The following CHRM2 variants were observed in gnomAD, a reference collection of about 807,000 sequenced individuals.
CHRM2 encodes muscarinic acetylcholine receptor M2.
Under a neutral mutation model 25.0 loss-of-function variants are expected in CHRM2, and 8 were observed. That is an observed-to-expected ratio of 0.32 (90% confidence interval 0.19 to 0.58). CHRM2 has a LOEUF of 0.58. CHRM2 is among the 20% of genes least tolerant of loss of function. The pLI is 0.88. For missense variants in CHRM2, 440 were observed against 567.1 expected, an observed-to-expected ratio of 0.78 and a Z score of 2.28; for synonymous variants, 202 against 205.7, an observed-to-expected ratio of 0.98 and a Z score of 0.15.
intron 2 of CHRM2, among the ~76,000 whole-genome samples, chr7:136,922,713 G>T (rs548396374): frequency 6.6e-6 from 1 of 152,204 alleles, no homozygotes; most frequent in East Asian, 1.9e-4. Context: ...ATTATTCTGG[G>T]AAGCATTCCT....
chr7:137,017,668 A>T lies in CHRM2; in HGVS notation c.*1402A>T, dbSNP rs1194541276. The T allele has an allele frequency of 6.6e-6, 1 of 151,974 alleles. No homozygotes were observed. Among genetic ancestry groups the T allele is most frequent in the East Asian group, 1.9e-4 (1 of 5,146 alleles). The allele number at this position is 151,974 out of a possible 1,614,324, so 9.4% of individuals were successfully genotyped here. A position where few individuals can be genotyped will look rare whatever the true frequency, so the allele number is the denominator to read the frequency against. On this transcript the variant is annotated 3_prime_UTR_variant, in exon 4 of 4. Coordinates refer to ENST00000680005, the MANE Select transcript of CHRM2 (RefSeq NM_001006630.2). ...ACTTCAAAATTCTCTTATCAATAGA[A>T]TTATAGTAATCTTTGTGACAGAAAT...
chr7:136,910,771 T>C (rs1026571300), intron 2 of CHRM2, among the ~76,000 whole-genome samples: 1 of 151,148 alleles, frequency 6.6e-6, no homozygotes, highest in African/African-American at 2.4e-5. Flanking sequence ...TGTATCATTC[T>C]TGGGGTTTGG....
At chr7:136,982,136 GGT>G (rs1377129743) in intron 2 of CHRM2, among the ~76,000 whole-genome samples, 2 of 151,976 alleles carry the variant, frequency 1.3e-5, no homozygotes, top group South Asian at 2.1e-4. Flanking sequence ...TCCTGTATTG[GGT>G]GTATATATAT....
chr7:136,945,834 C>CT (rs1286250328), intron 2 of CHRM2, among the ~76,000 whole-genome samples: 4 of 152,124 alleles, frequency 2.6e-5, no homozygotes, highest in Admixed American at 2.6e-4. Context: ...TTACTGGGCA[C>CT]TGACTGTGTG....
At position 136,877,621 on chromosome 7, in the gene CHRM2, G is replaced by T. The variant is rs902878776; in HGVS notation, c.-125+8203G>T. On this transcript the variant is annotated intron_variant, in intron 2 of 3. Coordinates refer to ENST00000680005, the MANE Select transcript of CHRM2 (RefSeq NM_001006630.2). ...AGTGGAGGAGTTAGAGAAAGTGAGAGAATTGTCTTAAATGTTAATGCTGAT... is the reference window on the plus strand; with the variant it reads ...AGTGGAGGAGTTAGAGAAAGTGAGATAATTGTCTTAAATGTTAATGCTGAT... Among the ~76,000 whole-genome samples, 13 of 152,028 alleles carry T rather than the reference G, an allele frequency of 8.6e-5. 1 individual carries two copies. Among genetic ancestry groups the T allele is most frequent in the African/African-American group, 2.7e-4 (11 of 41,440 alleles).
At chr7:136,931,183 T>G (rs1799082810) in intron 2 of CHRM2, among the ~76,000 whole-genome samples, 1 of 152,332 alleles carries the variant, frequency 6.6e-6, no homozygotes, top group South Asian at 2.1e-4. Context: ...TGTTCAAAAC[T>G]ATGCCTTTTT....
At chr7:136,981,114 T>C (rs1802455700) in intron 2 of CHRM2, among the ~76,000 whole-genome samples, 1 of 152,194 alleles carries the variant, frequency 6.6e-6, no homozygotes, top group Non-Finnish European at 1.5e-5. Flanking sequence ...CTGCCTCAAT[T>C]TCAGAACTTG....
intron 2 of CHRM2, among the ~76,000 whole-genome samples, chr7:136,922,228 A>C (rs1798490539): frequency 6.6e-6 from 1 of 152,184 alleles, no homozygotes; most frequent in South Asian, 2.1e-4. Context: ...GTCCTGCAAC[A>C]CATCTCATCT....
intron 3 of CHRM2, among the ~76,000 whole-genome samples, chr7:137,004,165 C>A (rs1211751051): frequency 1.3e-5 from 2 of 152,110 alleles, no homozygotes; most frequent in Admixed American, 1.3e-4. Context: ...ACTGGAAGAT[C>A]TTCCATTCTC....
At chr7:136,946,306 A>C (rs1198302139) in intron 2 of CHRM2, among the ~76,000 whole-genome samples, 2 of 152,168 alleles carry the variant, frequency 1.3e-5, no homozygotes, top group African/African-American at 4.8e-5. Context: ...AATTATATTA[A>C]ATTATTTGTG....
intron 3 of CHRM2, among the ~76,000 whole-genome samples, chr7:137,007,862 T>C (rs922781851): frequency 1.3e-5 from 2 of 152,132 alleles, no homozygotes; most frequent in African/African-American, 4.8e-5. Context: ...CAAGACATCC[T>C]TAAATAAGTC....
chr7:137,015,066 T>C lies in CHRM2; in HGVS notation c.201T>C (p.Cys67=). 6.2e-7 allele frequency: 1 copy of C among 1,613,524 alleles called. No individual in the cohort carries two copies. Among genetic ancestry groups the C allele is most frequent in the South Asian group, 1.1e-5 (1 of 91,084 alleles). The part of the protein sequence containing the change: ...VNNYFLFSLA[C]ADLIIGVFSM... The stretch of plus-strand genomic sequence containing the variant: ...ATTACTTTTTATTCAGCTTGGCCTG[T>C]GCTGACCTTATCATAGGTGTTTTCT... The change falls in exon 4 of 4, where the codon TGT becomes TGC. Residue 67 remains cysteine (C), a synonymous_variant. Coordinates refer to ENST00000680005, the MANE Select transcript of CHRM2 (RefSeq NM_001006630.2). This position sits in a 1 kb window ranked among gnomAD's most constrained non-coding sequence, Gnocchi z 5.1.
intron 2 of CHRM2, among the ~76,000 whole-genome samples, chr7:136,935,372 T>A (rs539132480): frequency 1.3e-5 from 2 of 152,052 alleles, no homozygotes; most frequent in Non-Finnish European, 1.5e-5. Flanking sequence ...TTTGGGTGAG[T>A]ACACAGTACC....
At chr7:136,965,897 C>CA (rs1036433285) in intron 2 of CHRM2, among the ~76,000 whole-genome samples, 6 of 149,972 alleles carry the variant, frequency 4.0e-5, no homozygotes, top group South Asian at 2.1e-4. Context: ...GATGTGTTGA[C>CA]AAAAAAAAAG....
chr7:136,900,868 G>A (rs545467007), intron 2 of CHRM2, among the ~76,000 whole-genome samples: 138 of 151,944 alleles, frequency 9.1e-4, no homozygotes, highest in Middle Eastern at 3.2e-3. Context: ...GCATATAGAC[G>A]TCAGCAGGGG....
At chr7:136,964,422 G>T (rs1801286298) in intron 2 of CHRM2, among the ~76,000 whole-genome samples, 1 of 152,090 alleles carries the variant, frequency 6.6e-6, no homozygotes, top group South Asian at 2.1e-4. Context: ...TTTGAGTGCT[G>T]CCTGGAACTT....
At chr7:136,913,750 A>G (rs923264254) in intron 2 of CHRM2, among the ~76,000 whole-genome samples, 1 of 151,958 alleles carries the variant, frequency 6.6e-6, no homozygotes, top group Admixed American at 6.6e-5. Flanking sequence ...TGAAGTGGGT[A>G]TTATTTTAAA....
intron 2 of CHRM2, among the ~76,000 whole-genome samples, chr7:136,954,749 A>G (rs550228725): frequency 1.3e-5 from 2 of 152,224 alleles, no homozygotes; most frequent in African/African-American, 4.8e-5. Context: ...TCTTGACTAC[A>G]TCCATGGATT....
rs533122185 is a variant in CHRM2 at position 137,018,919 on chromosome 7, G to C, written c.*2653G>C. On this transcript the variant is annotated 3_prime_UTR_variant, in exon 4 of 4. Transcript: ENST00000680005. ...TGTCTATTTCAGTGGCTCTCAAACAGAGACAATTCCCCTCTCCCCGAAAGG... is the reference window on the plus strand; with the variant it reads ...TGTCTATTTCAGTGGCTCTCAAACACAGACAATTCCCCTCTCCCCGAAAGG... 1 of 152,034 alleles carries C rather than the reference G, an allele frequency of 6.6e-6. No homozygotes were observed. Among genetic ancestry groups the C allele is most frequent in the South Asian group, 2.1e-4 (1 of 4,820 alleles). 9.4% of individuals were successfully genotyped at this position (152,034 alleles called of 1,614,324 possible).
Sources: allele counts gnomAD v4.1 joint callset (sites outside exome capture counted in the v4.1 genomes callset), GRCh38; gene constraint gnomAD v4.1.1; non-coding constraint Gnocchi (gnomAD v3.1); transcripts MANE v1.5; gene names NCBI Gene and HGNC (gene_info 2026-07-23, HGNC 2026-07-21).